The following ROBO2 variants were observed in gnomAD, a reference collection of about 807,000 sequenced individuals.
ROBO2 encodes roundabout guidance receptor 2.
In ROBO2, 53 loss-of-function variants were observed where a neutral mutation model predicts 160.8. The observed-to-expected ratio is 0.33, with a 90% CI of 0.26 to 0.41. The LOEUF (loss-of-function observed/expected upper bound fraction) is 0.41, where lower values mean the gene tolerates loss of function less well. ROBO2 is among the 10% of genes least tolerant of loss of function. The pLI, the probability that ROBO2 is intolerant of heterozygous loss-of-function variation, is 1.00. For synonymous variants in ROBO2, 664 were observed against 611.7 expected (o/e 1.09, Z -1.26); for missense variants, 1,577 against 1,722.4 (o/e 0.92, Z 1.49).
exon 3 of ROBO2, chr3:77,477,498 G>C: frequency 6.2e-7 from 1 of 1,613,594 alleles, no homozygotes; most frequent in South Asian, 1.1e-5. Flanking sequence ...CAGCCTCCCC[G>C]GGGACACCCA....
chr3:77,294,000 G>A (rs865999364), intron 2 of ROBO2, among the ~76,000 whole-genome samples: 3 of 143,880 alleles, frequency 2.1e-5, no homozygotes, highest in South Asian at 4.4e-4. Context: ...ACGGTTAAAC[G>A]GGTACACTGA....
intron 2 of ROBO2, among the ~76,000 whole-genome samples, chr3:76,488,376 G>T (rs1305624328): frequency 6.6e-6 from 1 of 152,086 alleles, no homozygotes; most frequent in Admixed American, 6.6e-5. Flanking sequence ...TTTTCTCTCT[G>T]GCTGTTGAGC....
chr3:75,973,268 T>C lies in ROBO2; in HGVS notation c.109+35666T>C, dbSNP rs80113056. ...AGAAATTATAAAAATGACAAAAATT[T>C]AATTATCAAATGGACAAATATTGTA... On this transcript the variant is annotated intron_variant, in intron 2 of 26. Transcript: ENST00000487694. 6.9e-3 allele frequency among the ~76,000 whole-genome samples: 1,044 copies of C among 151,802 alleles called. 69 individuals are homozygous for C. In the East Asian group the frequency reaches 0.17, roughly 25 times the overall value.
chr3:77,157,963 G>A (rs1221607276), intron 2 of ROBO2, among the ~76,000 whole-genome samples: 1 of 152,018 alleles, frequency 6.6e-6, no homozygotes, highest in Non-Finnish European at 1.5e-5. Flanking sequence ...TCATATTTCA[G>A]TTGTTTGATT....
At chr3:77,525,916 C>A (rs1462993514) in intron 6 of ROBO2, among the ~76,000 whole-genome samples, 4 of 151,026 alleles carry the variant, frequency 2.6e-5, no homozygotes, top group African/African-American at 7.3e-5. Context: ...AAACAAAGTT[C>A]TTTTTCTACT....
At chr3:77,336,131 A>G (rs1020811221) in intron 2 of ROBO2, among the ~76,000 whole-genome samples, 2 of 152,130 alleles carry the variant, frequency 1.3e-5, no homozygotes, top group African/African-American at 4.8e-5. Flanking sequence ...ATGCCTGGTG[A>G]AGAAAAAAGG....
chr3:76,708,815 C>A (rs944942891), intron 2 of ROBO2, among the ~76,000 whole-genome samples: 17 of 152,112 alleles, frequency 1.1e-4, no homozygotes, highest in Admixed American at 2.6e-4. Context: ...TTTAGAGTTT[C>A]AGTGCCAGAT....
At chr3:76,004,487 TCA>T (rs1371613495) in intron 2 of ROBO2, among the ~76,000 whole-genome samples, 7 of 152,180 alleles carry the variant, frequency 4.6e-5, no homozygotes, top group Non-Finnish European at 1.0e-4. Context: ...AATTTATTTT[TCA>T]CAGTTTTGGA....
intron 24 of ROBO2, among the ~76,000 whole-genome samples, chr3:77,640,198 G>A (rs959391500): frequency 7.8e-6 from 1 of 127,942 alleles, no homozygotes; most frequent in Non-Finnish European, 1.6e-5. Context: ...TGCAAGATCC[G>A]CCTCCCGGGT....
At chr3:76,920,914 T>C (rs765827197) in intron 2 of ROBO2, among the ~76,000 whole-genome samples, 34 of 152,244 alleles carry the variant, frequency 2.2e-4, no homozygotes, top group Non-Finnish European at 5.0e-4. Flanking sequence ...GCAATGGTTT[T>C]AATAAAGGTT....
intron 4 of ROBO2, among the ~76,000 whole-genome samples, chr3:77,486,210 C>T (rs1234932435): frequency 9.2e-6 from 1 of 108,706 alleles, no homozygotes; most frequent in Non-Finnish European, 2.1e-5. Flanking sequence ...CATGTCTTTG[C>T]TATTGTGAAT....
intron 2 of ROBO2, among the ~76,000 whole-genome samples, chr3:77,347,810 C>T (rs1211967506): frequency 6.6e-6 from 1 of 152,110 alleles, no homozygotes; most frequent in Non-Finnish European, 1.5e-5. Context: ...AGCTCCTTCT[C>T]TCATGTATGT....
At chr3:76,575,026 C>T (rs917281490) in intron 2 of ROBO2, among the ~76,000 whole-genome samples, 1 of 152,054 alleles carries the variant, frequency 6.6e-6, no homozygotes, top group Admixed American at 6.6e-5. Context: ...CTCAGTGAAA[C>T]GGAGAGAAAA....
intron 2 of ROBO2, among the ~76,000 whole-genome samples, chr3:76,674,629 C>CACAG (rs1491244055): frequency 6.6e-6 from 1 of 151,026 alleles, no homozygotes; most frequent in Non-Finnish European, 1.5e-5. Context: ...CACACACACA[C>CACAG]AGAAACCTGT....
chr3:77,335,323 C>T (rs1247063971), intron 2 of ROBO2, among the ~76,000 whole-genome samples: 1 of 152,104 alleles, frequency 6.6e-6, no homozygotes, highest in African/African-American at 2.4e-5. Flanking sequence ...ACGAGAATCG[C>T]TTGAACCCGG....
At chr3:76,094,483 C>T (rs2069359819) in intron 2 of ROBO2, among the ~76,000 whole-genome samples, 1 of 152,206 alleles carries the variant, frequency 6.6e-6, no homozygotes, top group African/African-American at 2.4e-5. Flanking sequence ...GAAGGATGCC[C>T]TGAGACTCCA....
At chr3:76,889,809 T>C (rs1169474683) in intron 2 of ROBO2, among the ~76,000 whole-genome samples, 1 of 152,130 alleles carries the variant, frequency 6.6e-6, no homozygotes, top group Non-Finnish European at 1.5e-5. Context: ...GTTGTATTTG[T>C]TTTTTGTTTT....
chr3:77,407,178 C>G (rs571712397), intron 2 of ROBO2, among the ~76,000 whole-genome samples: 2 of 152,106 alleles, frequency 1.3e-5, no homozygotes, highest in South Asian at 2.1e-4. Context: ...AAGGAATGGA[C>G]AGTATTCACA....
intron 2 of ROBO2, among the ~76,000 whole-genome samples, chr3:76,939,715 C>A (rs1349760595): frequency 6.6e-6 from 1 of 151,966 alleles, no homozygotes; most frequent in African/African-American, 2.4e-5. Context: ...ACCCAGGAGA[C>A]GGAGGTTGCA....
Sources: gnomAD v4.1 joint callset for allele counts (sites outside exome capture counted in the v4.1 genomes callset) on GRCh38, gnomAD v4.1.1 for gene constraint, MANE v1.5 for transcripts, NCBI Gene and HGNC (gene_info 2026-07-23, HGNC 2026-07-21) for gene names.